Variants in EIPR1 observed in about 807,000 individuals in gnomAD.
EIPR1 encodes EARP and GARP complex-interacting protein 1.
Under a neutral mutation model 48.1 loss-of-function variants are expected in EIPR1, and 25 were observed. That is an observed-to-expected ratio of 0.52 (90% CI 0.38 to 0.73). The LOEUF (loss-of-function observed/expected upper bound fraction) is 0.73. EIPR1 is among the 30% of genes least tolerant of loss of function. EIPR1 has a pLI of 0.00. For synonymous variants in EIPR1, 204 were observed against 201.9 expected, an observed-to-expected ratio of 1.01 and a Z score of -0.09; for missense variants, 415 against 506.2, an observed-to-expected ratio of 0.82 and a Z score of 1.73.
At position 3,225,220 on chromosome 2, in the gene EIPR1, A is replaced by ATGTGTGTGTGTGTGTG. The variant is rs1491346752; in HGVS notation, c.417-10973_417-10972insCACACACACACACACA. 2.3e-4 allele frequency among the ~76,000 whole-genome samples: 21 copies of ATGTGTGTGTGTGTGTG among 90,376 alleles called. 1 individual carries two copies. The highest frequency in any genetic ancestry group is 1.7e-3 in the South Asian group (4 of 2,340). The allele number at this position is 90,376 out of a possible 152,430, so 59.3% of individuals were successfully genotyped here. A position where few individuals can be genotyped will look rare whatever the true frequency, so the allele number is the denominator to read the frequency against. ...GTGTATATTTAGGTAGTACACTGTGATATGTGTGTGTGTGTGTGTGTGTGT... is the reference window on the plus strand; with the variant it reads ...GTGTATATTTAGGTAGTACACTGTGATGTGTGTGTGTGTGTGTATGTGTGTGTGTGTGTGTGTGTGT... On this transcript the variant is annotated intron_variant, in intron 4 of 8. Transcript: ENST00000382125.
rs556390747 is a variant in EIPR1, at chr2:3,342,006, GGA to G, written c.127-3859_127-3858del. Among the ~76,000 whole-genome samples, 18 of 151,978 alleles carry G rather than the reference GGA, an allele frequency of 1.2e-4. 1 individual carries two copies. The South Asian group carries it at 3.3e-3, about 28-fold the overall frequency. ...TTCTAAGTGATGGCAACCAATACAG[GGA>G]ATTCTATGATAGAATTGATCCGGAT... On this transcript the variant is annotated intron_variant, in intron 2 of 8. Transcript: ENST00000382125.
chr2:3,189,359 G>T lies in EIPR1; in HGVS notation c.1139C>A (p.Ala380Asp). 2 of 1,600,018 alleles carry T rather than the reference G, an allele frequency of 1.2e-6. No individual in the cohort carries two copies. The highest frequency in any genetic ancestry group is 1.7e-6 in the Non-Finnish European group (2 of 1,171,046). The change falls in exon 9 of 9, where the codon GCC becomes GAC. Residue 380 changes from alanine (A) to aspartate (D), a missense_variant. Transcript: ENST00000382125. This position sits in a 1 kb window ranked among gnomAD's most constrained non-coding sequence, Gnocchi z 4.6. ...TCATAGCAGGATGTGGTACTTCAGG[G>T]CCCTGGGCACCCTGTTGATCACGAG... ...GRLVINRVPR[A>D]LKYHILL
In EIPR1 at chr2:3,345,203, C is replaced by T. The variant is rs1670362740; in HGVS notation, c.127-7054G>A. ...ACCAGCTGCTTCTGGTAGCAGAGAA[C>T]GGGGCTGAAGTACCGGCTCTTCCTT... On this transcript the variant is annotated intron_variant, in intron 2 of 8. Coordinates refer to ENST00000382125, the MANE Select transcript of EIPR1 (RefSeq NM_003310.5). Among the ~76,000 whole-genome samples, 4 of 152,234 alleles carry T rather than the reference C, an allele frequency of 2.6e-5. No individual in the cohort carries two copies. In the East Asian group the frequency reaches 7.7e-4, roughly 29 times the overall value.
At chr2:3,291,622 G>T (rs1388733087) in intron 3 of EIPR1, among the ~76,000 whole-genome samples, 4 of 152,116 alleles carry the variant, frequency 2.6e-5, no homozygotes, top group African/African-American at 2.4e-5. Context: ...CTTGAGTAGG[G>T]AACACATTCA....
intron 4 of EIPR1, among the ~76,000 whole-genome samples, chr2:3,254,136 C>T (rs1475264630): frequency 6.6e-6 from 1 of 152,300 alleles, no homozygotes; most frequent in East Asian, 1.9e-4. Context: ...GGGCAGCCTT[C>T]ACCTGTGCCG....
At chr2:3,276,665 A>G (rs1241563814) in intron 3 of EIPR1, among the ~76,000 whole-genome samples, 1 of 152,196 alleles carries the variant, frequency 6.6e-6, no homozygotes, top group Non-Finnish European at 1.5e-5. Context: ...AAGTATAAAT[A>G]TGGCTGCTCT....
At chr2:3,357,312 A>G (rs1475497191) in intron 1 of EIPR1, among the ~76,000 whole-genome samples, 3 of 152,186 alleles carry the variant, frequency 2.0e-5, no homozygotes, top group Admixed American at 2.0e-4. Context: ...GAACCTGGAC[A>G]CCCTCCACCA....
chr2:3,288,282 A>G (rs1668267494), intron 3 of EIPR1, among the ~76,000 whole-genome samples: 1 of 152,226 alleles, frequency 6.6e-6, no homozygotes, highest in African/African-American at 2.4e-5. Context: ...GGCCACCCTC[A>G]TACCTCATTG....
intron 3 of EIPR1, among the ~76,000 whole-genome samples, chr2:3,332,101 T>C (rs1669916607): frequency 6.6e-6 from 1 of 152,164 alleles, no homozygotes; most frequent in Non-Finnish European, 1.5e-5. Context: ...ACTCATGAGA[T>C]GGTGTCAGCA....
At chr2:3,276,969 AG>A (rs1667866535) in intron 3 of EIPR1, among the ~76,000 whole-genome samples, 1 of 152,234 alleles carries the variant, frequency 6.6e-6, no homozygotes, top group African/African-American at 2.4e-5. Flanking sequence ...ACAAGTCACC[AG>A]GGAGCAAACC....
chr2:3,282,090 C>G (rs1031101238), intron 3 of EIPR1, among the ~76,000 whole-genome samples: 3 of 152,214 alleles, frequency 2.0e-5, no homozygotes, highest in African/African-American at 7.2e-5. Flanking sequence ...GTGCAGCCGT[C>G]AAGTGAAGGA....
intron 6 of EIPR1, among the ~76,000 whole-genome samples, chr2:3,195,846 C>T (rs75365287): frequency 0.033 from 5,000 of 152,294 alleles, 134 homozygotes; most frequent in African/African-American, 0.061. Flanking sequence ...TCACCACAGA[C>T]ACAACACGGG....
intron 5 of EIPR1, among the ~76,000 whole-genome samples, chr2:3,202,100 G>A (rs529327820): frequency 1.1e-4 from 17 of 152,184 alleles, no homozygotes; most frequent in African/African-American, 3.9e-4. Context: ...ACCACGCCCG[G>A]CTAATTTTTT....
intron 1 of EIPR1, among the ~76,000 whole-genome samples, chr2:3,374,894 G>A (rs1398839604): frequency 1.6e-4 from 23 of 145,550 alleles, no homozygotes; most frequent in Non-Finnish European, 3.0e-4. Flanking sequence ...ATACCCAAAG[G>A]ACTATAAATC....
intron 3 of EIPR1, chr2:3,274,351 CTATGAA>C (rs1667784861): frequency 1.9e-6 from 3 of 1,550,364 alleles, no homozygotes; most frequent in Non-Finnish European, 2.6e-6. Flanking sequence ...GTTGCCAGTG[CTATGAA>C]CAGTTGGGCA....
intron 3 of EIPR1, among the ~76,000 whole-genome samples, chr2:3,325,768 T>TACATGAGGCTTGTGG (rs1157752509): frequency 7.9e-5 from 12 of 152,368 alleles, no homozygotes; most frequent in Non-Finnish European, 1.6e-4. Context: ...GTAACATATC[T>TACATGAGGCTTGTGG]ACATTCATTT....
rs938076316 is a variant in EIPR1 at position 3,274,450 on chromosome 2, G to A, written c.260-16995C>T. On this transcript the variant is annotated intron_variant, in intron 3 of 8. Transcript: ENST00000382125. ...AAAAAAGTCAGGGCAGAACTGTTCA[G>A]TCAGCTAAATACTCAAAAATAAAGG... 7 of 1,546,402 alleles carry A rather than the reference G, an allele frequency of 4.5e-6. No individual in the cohort carries two copies. The African/African-American group carries it at 5.5e-5, about 12-fold the overall frequency.
intron 3 of EIPR1, among the ~76,000 whole-genome samples, chr2:3,279,753 T>C (rs1667962624): frequency 6.6e-6 from 1 of 152,252 alleles, no homozygotes; most frequent in South Asian, 2.1e-4. Flanking sequence ...TCCGCTGACC[T>C]GACGCGCAGA....
intron 4 of EIPR1, among the ~76,000 whole-genome samples, chr2:3,219,583 C>A (rs1419348772): frequency 6.6e-6 from 1 of 151,490 alleles, no homozygotes; most frequent in Admixed American, 6.6e-5. Flanking sequence ...CAGGTGCACA[C>A]CAAGCATGGC....
Sources: gnomAD v4.1 joint callset for allele counts (sites outside exome capture counted in the v4.1 genomes callset) on GRCh38, gnomAD v4.1.1 for gene constraint, Gnocchi (gnomAD v3.1) non-coding constraint, MANE v1.5 for transcripts, NCBI Gene and HGNC (gene_info 2026-07-23, HGNC 2026-07-21) for gene names.